Variants in CCBE1 observed in about 807,000 individuals in gnomAD.
CCBE1 encodes the protein collagen and calcium-binding EGF domain-containing protein 1.
In CCBE1, 37 loss-of-function variants were observed where a neutral mutation model predicts 50.0. That is an observed-to-expected ratio of 0.74 (90% confidence interval 0.57 to 0.97). CCBE1 has a LOEUF of 0.97. Ranked by LOEUF, CCBE1 falls within the 50% of genes least tolerant of loss-of-function variation. The pLI is 0.00. For missense variants in CCBE1, 538 were observed against 523.8 expected, an observed-to-expected ratio of 1.03 and a Z score of -0.26; for synonymous variants, 234 against 203.7, an observed-to-expected ratio of 1.15 and a Z score of -1.27.
At chr18:59,658,343 AAAAAAAAAAAAATATATATATATATATAT>A (rs2054222072) in intron 2 of CCBE1, among the ~76,000 whole-genome samples, 1 of 38,916 alleles carries the variant, frequency 2.6e-5, no homozygotes, top group Non-Finnish European at 4.4e-5. Flanking sequence ...AAAAAAAAAA[AAAAAAAAAAAAATATATATATATATATAT>A]ATATATATAT....
At chr18:59,474,099 T>C (rs918539618) in intron 3 of CCBE1, among the ~76,000 whole-genome samples, 1 of 152,244 alleles carries the variant, frequency 6.6e-6, no homozygotes, top group African/African-American at 2.4e-5. Flanking sequence ...TAGTATTCCA[T>C]GGTGTATATG....
At position 59,604,210 on chromosome 18, in the gene CCBE1, G is replaced by A. The variant is rs569778297; in HGVS notation, c.212+92419C>T. Among the ~76,000 whole-genome samples, 8 of 152,334 alleles carry A rather than the reference G, an allele frequency of 5.3e-5. No individual in the cohort carries two copies. The South Asian group carries it at 1.7e-3, about 32-fold the overall frequency. Reference sequence around the variant, plus strand: ...CGGAGGGTCACATAAGGCCAAAACAGTTATGGAGAGAGCCAGGAAGCAGCA... The same window carrying A: ...CGGAGGGTCACATAAGGCCAAAACAATTATGGAGAGAGCCAGGAAGCAGCA... On this transcript the variant is annotated intron_variant, in intron 2 of 10. Coordinates refer to ENST00000439986, the MANE Select transcript of CCBE1 (RefSeq NM_133459.4).
intron 10 of CCBE1, among the ~76,000 whole-genome samples, chr18:59,436,667 G>A (rs574849565): frequency 5.3e-5 from 8 of 152,270 alleles, no homozygotes; most frequent in African/African-American, 1.2e-4. Context: ...AGCATAATAC[G>A]TATTCAAAAA....
At chr18:59,507,824 C>T (rs1355194812) in intron 2 of CCBE1, among the ~76,000 whole-genome samples, 1 of 152,062 alleles carries the variant, frequency 6.6e-6, no homozygotes, top group Non-Finnish European at 1.5e-5. Context: ...ACATCTTTCC[C>T]TGTATCCTTA....
intron 2 of CCBE1, among the ~76,000 whole-genome samples, chr18:59,512,061 A>T (rs552960268): frequency 1.1e-4 from 16 of 152,348 alleles, no homozygotes; most frequent in African/African-American, 3.6e-4. Context: ...GGTAGTTTAC[A>T]CAAGTTTCTA....
intron 2 of CCBE1, among the ~76,000 whole-genome samples, chr18:59,585,249 C>T (rs1169070398): frequency 6.6e-6 from 1 of 152,110 alleles, no homozygotes; most frequent in Non-Finnish European, 1.5e-5. Context: ...TCCCAAGGTA[C>T]CCAGGTCTCT....
At chr18:59,691,855 T>C (rs1364409122) in intron 2 of CCBE1, among the ~76,000 whole-genome samples, 1 of 152,156 alleles carries the variant, frequency 6.6e-6, no homozygotes, top group Non-Finnish European at 1.5e-5. Flanking sequence ...AGAATGGGCC[T>C]GGGGCTAAGG....
At chr18:59,672,502 A>C (rs1054479515) in intron 2 of CCBE1, among the ~76,000 whole-genome samples, 2 of 152,204 alleles carry the variant, frequency 1.3e-5, no homozygotes, top group Non-Finnish European at 2.9e-5. Flanking sequence ...TAGACTACTG[A>C]TTGATGAGGG....
chr18:59,462,714 T>C (rs1470038825), intron 5 of CCBE1, among the ~76,000 whole-genome samples: 1 of 151,960 alleles, frequency 6.6e-6, no homozygotes, highest in Non-Finnish European at 1.5e-5. Flanking sequence ...GCAATCTCTC[T>C]GGGCTTTTAG....
At chr18:59,691,571 A>C (rs1002458231) in intron 2 of CCBE1, among the ~76,000 whole-genome samples, 2 of 152,092 alleles carry the variant, frequency 1.3e-5, no homozygotes, top group African/African-American at 4.8e-5. Context: ...ATGCCCAGCT[A>C]ATTTTTGTAC....
intron 2 of CCBE1, among the ~76,000 whole-genome samples, chr18:59,534,267 G>C (rs1915159831): frequency 6.6e-6 from 1 of 152,176 alleles, no homozygotes; most frequent in Admixed American, 6.5e-5. Context: ...TAAAACCTTT[G>C]CTAGAATTTT....
intron 5 of CCBE1, chr18:59,464,162 G>A: frequency 6.6e-6 from 1 of 152,388 alleles, no homozygotes; most frequent in East Asian, 1.9e-4. Context: ...TCAGGGCATG[G>A]TGGCTCATGC....
chr18:59,667,566 C>T (rs1309208521), intron 2 of CCBE1, among the ~76,000 whole-genome samples: 1 of 152,214 alleles, frequency 6.6e-6, no homozygotes, highest in Non-Finnish European at 1.5e-5. Context: ...GGGACACTGA[C>T]AATGACTGTG....
intron 2 of CCBE1, among the ~76,000 whole-genome samples, chr18:59,634,064 C>A (rs2053886894): frequency 6.6e-6 from 1 of 152,192 alleles, no homozygotes; most frequent in Non-Finnish European, 1.5e-5. Flanking sequence ...ACAGCCTAAA[C>A]ATACTAGGGA....
At chr18:59,588,438 CTG>C (rs2053210596) in intron 2 of CCBE1, among the ~76,000 whole-genome samples, 2 of 152,286 alleles carry the variant, frequency 1.3e-5, no homozygotes, top group Non-Finnish European at 2.9e-5. Flanking sequence ...TTCCAGCACT[CTG>C]TGTGGTTTCC....
rs748817654 is a variant in CCBE1, at chr18:59,436,088, A to G, written c.1041T>C (p.Asn347=). Residue 347 remains asparagine, a synonymous_variant, in exon 11 of 11, where the codon AAT becomes AAC. Transcript: ENST00000439986. Reference sequence around the variant, plus strand: ...CCTTTTCCTGCAGCTCAGTGATGTCATTGCGGATGTCAGCCAGCATAAGTA... The same window carrying G: ...CCTTTTCCTGCAGCTCAGTGATGTCGTTGCGGATGTCAGCCAGCATAAGTA... ...FLLLMLADIR[N]DITELQEKVF... is the part of the protein sequence containing the mutation. 26 of 1,614,102 alleles carry G rather than the reference A, an allele frequency of 1.6e-5. No homozygotes were observed. The South Asian group carries it at 2.7e-4, about 17-fold the overall frequency.
chr18:59,569,093 C>T (rs1173038127), intron 2 of CCBE1, among the ~76,000 whole-genome samples: 5 of 152,154 alleles, frequency 3.3e-5, no homozygotes, highest in Non-Finnish European at 1.5e-5. Flanking sequence ...ATGTTCGATT[C>T]CACTCTCTCC....
chr18:59,585,296 T>C (rs2053162275), intron 2 of CCBE1, among the ~76,000 whole-genome samples: 1 of 152,134 alleles, frequency 6.6e-6, no homozygotes, highest in Non-Finnish European at 1.5e-5. Flanking sequence ...GTAATCACCT[T>C]CATGGCACTT....
At chr18:59,616,716 C>T (rs1449239805) in intron 2 of CCBE1, among the ~76,000 whole-genome samples, 2 of 152,234 alleles carry the variant, frequency 1.3e-5, no homozygotes, top group East Asian at 1.9e-4. Flanking sequence ...CAGGATTAGA[C>T]AAGTTGCATT....
Sources: allele counts gnomAD v4.1 joint callset (sites outside exome capture counted in the v4.1 genomes callset), GRCh38; gene constraint gnomAD v4.1.1; transcripts MANE v1.5; gene names NCBI Gene and HGNC (gene_info 2026-07-23, HGNC 2026-07-21).